Variants in NR3C2 observed in about 807,000 individuals in gnomAD.
NR3C2 encodes nuclear receptor subfamily 3 group C member 2, also known as mineralocorticoid receptor.
NR3C2 carries 15 observed loss-of-function variants against 86.4 expected under a neutral mutation model. The ratio of observed to expected loss-of-function variants is 0.17; its 90% confidence interval spans 0.12 to 0.27. NR3C2 has a LOEUF of 0.27. Ranked by LOEUF, NR3C2 falls within the 10% of genes least tolerant of loss-of-function variation. NR3C2 has a pLI of 1.00. For synonymous variants in NR3C2, 458 were observed against 450.5 expected (o/e 1.02, Z -0.21); for missense variants, 960 against 1,195.6 (o/e 0.80, Z 2.91).
intron 6 of NR3C2, among the ~76,000 whole-genome samples, chr4:148,135,940 C>A (rs926336738): frequency 7.9e-6 from 1 of 126,188 alleles, no homozygotes; most frequent in Non-Finnish European, 1.8e-5. Flanking sequence ...GCCTGTAGTC[C>A]CAGCTACTTG....
upstream of NR3C2, chr4:148,444,893 G>A (rs1280225570): frequency 1.4e-5 from 14 of 984,706 alleles, no homozygotes; most frequent in Middle Eastern, 5.2e-4. Context: ...CGCGCCCGCC[G>A]CTCCGCAGCG....
chr4:148,323,218 AGGT>A (rs1487338766), intron 2 of NR3C2, among the ~76,000 whole-genome samples: 3 of 139,976 alleles, frequency 2.1e-5, no homozygotes, highest in East Asian at 4.5e-4. Flanking sequence ...GACCCACTTG[AGGT>A]GGCAGTCTGC....
chr4:148,390,738 A>G (rs1747503642), intron 2 of NR3C2, among the ~76,000 whole-genome samples: 1 of 152,200 alleles, frequency 6.6e-6, no homozygotes, highest in Admixed American at 6.5e-5. Context: ...AAACCACTAA[A>G]ATAATGTTAG....
At chr4:148,408,528 C>T (rs1748532572) in intron 2 of NR3C2, among the ~76,000 whole-genome samples, 1 of 152,146 alleles carries the variant, frequency 6.6e-6, no homozygotes, top group African/African-American at 2.4e-5. Flanking sequence ...CAGCATCAAA[C>T]TCAGGTTTTT....
At chr4:148,331,465 T>A (rs1244431883) in intron 2 of NR3C2, among the ~76,000 whole-genome samples, 3 of 152,186 alleles carry the variant, frequency 2.0e-5, no homozygotes, top group African/African-American at 7.2e-5. Context: ...TTCTCCTGAT[T>A]CAAAAAAGTA....
intron 3 of NR3C2, among the ~76,000 whole-genome samples, chr4:148,202,282 CA>C (rs1324211487): frequency 6.6e-6 from 1 of 152,168 alleles, no homozygotes; most frequent in Non-Finnish European, 1.5e-5. Context: ...ATCTTTTTTC[CA>C]GGGGGAGGAA....
At chr4:148,203,699 A>G (rs1308565115) in intron 3 of NR3C2, among the ~76,000 whole-genome samples, 1 of 132,516 alleles carries the variant, frequency 7.5e-6, no homozygotes, top group Non-Finnish European at 1.6e-5. Flanking sequence ...GTGAGTTAAG[A>G]CGGTGTCCAA....
intron 2 of NR3C2, among the ~76,000 whole-genome samples, chr4:148,353,194 G>C (rs1438786565): frequency 1.3e-5 from 2 of 151,946 alleles, no homozygotes; most frequent in African/African-American, 4.8e-5. Flanking sequence ...TTTATAGCCT[G>C]CTTTATTCTA....
intron 3 of NR3C2, among the ~76,000 whole-genome samples, chr4:148,249,299 C>T (rs1739463853): frequency 1.3e-5 from 2 of 151,250 alleles, no homozygotes; most frequent in East Asian, 3.9e-4. Context: ...TTGCTTCCCC[C>T]CGACCAAAAA....
At chr4:148,156,473 A>G (rs1331677524) in intron 4 of NR3C2, among the ~76,000 whole-genome samples, 1 of 152,236 alleles carries the variant, frequency 6.6e-6, no homozygotes, top group Admixed American at 6.5e-5. Flanking sequence ...GACACTTCTC[A>G]AAAGAAGACA....
At chr4:148,439,024 C>G (rs1750208382) in intron 1 of NR3C2, among the ~76,000 whole-genome samples, 1 of 152,020 alleles carries the variant, frequency 6.6e-6, no homozygotes, top group African/African-American at 2.4e-5. Context: ...AATAAAATTA[C>G]AAAGGTTGAG....
At chr4:148,340,523 A>G (rs1190796502) in intron 2 of NR3C2, among the ~76,000 whole-genome samples, 1 of 152,160 alleles carries the variant, frequency 6.6e-6, no homozygotes, top group Non-Finnish European at 1.5e-5. Flanking sequence ...ACCTGAAACT[A>G]TAAAACAACT....
At chr4:148,255,505 G>A (rs1026640304) in intron 3 of NR3C2, among the ~76,000 whole-genome samples, 3 of 152,220 alleles carry the variant, frequency 2.0e-5, no homozygotes, top group African/African-American at 4.8e-5. Flanking sequence ...AAATGTGTGA[G>A]TGTGGAAACT....
In NR3C2 at chr4:148,321,164, C is replaced by T. The variant is rs1018387714; in HGVS notation, c.1758-61047G>A. On this transcript the variant is annotated intron_variant, in intron 2 of 8. Coordinates refer to ENST00000358102, the MANE Select transcript of NR3C2 (RefSeq NM_000901.5). ...AGTAGTCATTCAGGAGCAGGTTGTT[C>T]AGTTTCCATGTAGTTGAGCGGTTTT... is the stretch of plus-strand genomic sequence containing the variant. Among the ~76,000 whole-genome samples, 35 of 133,848 alleles carry T rather than the reference C, an allele frequency of 2.6e-4. 1 individual carries two copies. Among genetic ancestry groups the T allele is most frequent in the African/African-American group, 8.5e-4 (34 of 40,008 alleles). The allele number at this position is 133,848 out of a possible 152,430, so 87.8% of individuals were successfully genotyped here. A position where few individuals can be genotyped will look rare whatever the true frequency, so the allele number is the denominator to read the frequency against.
rs1361724270 is a variant in NR3C2 at position 148,081,061 on chromosome 4, C to T, written c.*283G>A. 2.2e-6 allele frequency: 1 copy of T among 452,388 alleles called. No individual in the cohort carries two copies. Among genetic ancestry groups the T allele is most frequent in the Non-Finnish European group, 4.1e-6 (1 of 243,886 alleles). 28.0% of individuals were successfully genotyped at this position (452,388 alleles called of 1,614,324 possible). A position where few individuals can be genotyped will look rare whatever the true frequency, so the allele number is the denominator to read the frequency against. On this transcript the variant is annotated 3_prime_UTR_variant, in exon 9 of 9. Transcript: ENST00000358102. ...CTTCCATCTGTGAAAATATCAAAAT[C>T]AGAGTTATTGACTAGATATGGCTTT...
chr4:148,179,213 C>T (rs539380998), intron 4 of NR3C2, among the ~76,000 whole-genome samples: 3 of 151,396 alleles, frequency 2.0e-5, no homozygotes, highest in African/African-American at 7.2e-5. Flanking sequence ...GGGGTCCTGG[C>T]CCAAAGAGAA....
chr4:148,428,366 G>A (rs1749649335), intron 2 of NR3C2, among the ~76,000 whole-genome samples: 1 of 152,102 alleles, frequency 6.6e-6, no homozygotes, highest in Admixed American at 6.5e-5. Context: ...CCAAATAACT[G>A]CCCTTTAATT....
At chr4:148,191,107 T>A (rs1736176106) in intron 4 of NR3C2, among the ~76,000 whole-genome samples, 1 of 152,146 alleles carries the variant, frequency 6.6e-6, no homozygotes. Flanking sequence ...AGAGGTTCTG[T>A]TTTGATGTAT....
intron 5 of NR3C2, among the ~76,000 whole-genome samples, chr4:148,154,293 G>C (rs1232489573): frequency 6.6e-6 from 1 of 152,118 alleles, no homozygotes; most frequent in African/African-American, 2.4e-5. Flanking sequence ...CAAAGTGCTG[G>C]GATTACAGGC....
Sources: gnomAD v4.1 joint callset for allele counts (sites outside exome capture counted in the v4.1 genomes callset) on GRCh38, gnomAD v4.1.1 for gene constraint, MANE v1.5 for transcripts, NCBI Gene and HGNC (gene_info 2026-07-23, HGNC 2026-07-21) for gene names.